Variants in ABCC11 observed in about 807,000 individuals in gnomAD.
ABCC11 encodes the protein ATP-binding cassette sub-family C member 11.
Under a neutral mutation model 149.3 loss-of-function variants are expected in ABCC11, and 135 were observed. That is an observed-to-expected ratio of 0.90 (90% confidence interval 0.79 to 1.04). ABCC11 has a LOEUF of 1.04. Ranked by LOEUF, ABCC11 falls within the 50% of genes least tolerant of loss-of-function variation. The pLI is 0.00. For synonymous variants in ABCC11, 665 were observed against 671.4 expected, an observed-to-expected ratio of 0.99 and a Z score of 0.15; for missense variants, 1,680 against 1,722.1, an observed-to-expected ratio of 0.98 and a Z score of 0.43.
Position 48,222,816 on chromosome 16 carries a change from T to C in ABCC11, c.559A>G (p.Lys187Glu), listed in dbSNP as rs1297695666. 2 of 1,613,308 alleles carry C rather than the reference T, an allele frequency of 1.2e-6. No homozygotes were observed. Among genetic ancestry groups the C allele is most frequent in the East Asian group, 4.5e-5 (2 of 44,872 alleles). ...TGCTCTTCTGAATATTCCAGGATCT[T>C]TGGTATAATCAATATCTACAAGGAA... Reference protein sequence around the residue: ...SVLGPILIIPKILEYSEEQLG... With the variant: ...SVLGPILIIPEILEYSEEQLG... The change falls in exon 6 of 30, where the codon AAG (lysine) becomes GAG (glutamate). Residue 187 changes from lysine (K) to glutamate (E), a missense_variant. Coordinates refer to ENST00000356608, the MANE Select transcript of ABCC11 (RefSeq NM_001370497.1).
At chr16:48,227,673 G>A (rs755328339) in intron 4 of ABCC11, 133 bp downstream of exon 4, 2 of 1,141,968 alleles carry the variant, frequency 1.8e-6, no homozygotes, top group Middle Eastern at 2.7e-4. Flanking sequence ...CACCTAGTAT[G>A]AGGCCTCTTC....
intron 22 of ABCC11, among the ~76,000 whole-genome samples, chr16:48,186,591 C>T (rs112563222): frequency 6.6e-6 from 1 of 151,996 alleles, no homozygotes; most frequent in African/African-American, 2.4e-5. Flanking sequence ...AGCTATTGTT[C>T]CTCATTATTT....
chr16:48,216,018 A>T, intron 7 of ABCC11, 96 bp downstream of exon 7: 3 of 1,333,530 alleles, frequency 2.2e-6, no homozygotes, highest in Non-Finnish European at 3.1e-6. Context: ...TGAAAGGTCA[A>T]CAAGAATCAA....
chr16:48,238,630 T>C (rs1282672842), intron 1 of ABCC11, among the ~76,000 whole-genome samples: 1 of 152,064 alleles, frequency 6.6e-6, no homozygotes, highest in Non-Finnish European at 1.5e-5. Context: ...AAGATAATAT[T>C]ATCGGATTAG....
chr16:48,211,274 C>G (rs1968906371), intron 10 of ABCC11, 75 bp from the exon 11 acceptor site: 1 of 1,523,466 alleles, frequency 6.6e-7, no homozygotes, highest in South Asian at 1.2e-5. Context: ...CCCAGTTTTA[C>G]AAGTCTGCCA....
At chr16:48,167,902 G>A (rs993925304) in intron 28 of ABCC11, among the ~76,000 whole-genome samples, 8 of 152,154 alleles carry the variant, frequency 5.3e-5, no homozygotes, top group Non-Finnish European at 1.0e-4. Flanking sequence ...AGAGAATTAA[G>A]TTCTTGGAAA....
intron 1 of ABCC11, chr16:48,244,267 G>A (rs1971197467): frequency 2.9e-6 from 2 of 690,864 alleles, no homozygotes. Flanking sequence ...GGGACGGACC[G>A]TAGCGCGTAG....
At chr16:48,218,488 A>T (rs986226389) in intron 6 of ABCC11, among the ~76,000 whole-genome samples, 3 of 152,246 alleles carry the variant, frequency 2.0e-5, no homozygotes, top group African/African-American at 7.2e-5. Flanking sequence ...TATTGATTTG[A>T]GAACGGTGCT....
intron 28 of ABCC11, 70 bp downstream of exon 28, chr16:48,170,035 A>G: frequency 8.0e-7 from 1 of 1,256,426 alleles, no homozygotes; most frequent in Middle Eastern, 2.1e-4. Flanking sequence ...AGGGAGAGGG[A>G]GCCGGTGTGG....
chr16:48,232,008 A>G, intron 1 of ABCC11, 69 bp from the exon 2 acceptor site: 1 of 1,595,802 alleles, frequency 6.3e-7, no homozygotes, highest in Non-Finnish European at 8.5e-7. Flanking sequence ...TCTCGCCTTG[A>G]GCAGCCAGAA....
chr16:48,183,124 T>G (rs977879465), intron 23 of ABCC11, among the ~76,000 whole-genome samples: 2 of 152,246 alleles, frequency 1.3e-5, no homozygotes, highest in Admixed American at 1.3e-4. Context: ...AAGACAGGTG[T>G]GTGCACAGGC....
Position 48,222,705 on chromosome 16 carries a change from A to T in ABCC11, c.670T>A (p.Trp224Arg), listed in dbSNP as rs771504332. The T allele has an allele frequency of 6.2e-7, 1 of 1,614,256 alleles. No individual in the cohort carries two copies. The highest frequency in any genetic ancestry group is 8.5e-7 in the Non-Finnish European group (1 of 1,180,040). ...CVKSLSFSSS[W>R]IINQRTAIRF... ...ATGGCTGTGCGTTGGTTGATGATCCAACTGGAGGAGAAACTCAGAGACTTC... is the reference window on the plus strand; with the variant it reads ...ATGGCTGTGCGTTGGTTGATGATCCTACTGGAGGAGAAACTCAGAGACTTC... The change falls in exon 6 of 30, where the codon TGG becomes AGG. Residue 224 changes from tryptophan (W) to arginine (R), a missense_variant. By Grantham distance (101) the Trp-to-Arg change is moderately radical. Coordinates refer to ENST00000356608, the MANE Select transcript of ABCC11 (RefSeq NM_001370497.1).
intron 6 of ABCC11, among the ~76,000 whole-genome samples, chr16:48,222,216 C>A (rs1969790635): frequency 6.6e-6 from 1 of 151,890 alleles, no homozygotes; most frequent in Non-Finnish European, 1.5e-5. Flanking sequence ...ACATGAGCCA[C>A]CACAGATGGC....
At chr16:48,226,360 T>C (rs993207348) in intron 4 of ABCC11, among the ~76,000 whole-genome samples, 3 of 151,232 alleles carry the variant, frequency 2.0e-5, no homozygotes, top group African/African-American at 7.3e-5. Flanking sequence ...CTATAAGCTC[T>C]GCCTCCTGGG....
intron 18 of ABCC11, among the ~76,000 whole-genome samples, chr16:48,195,980 T>C (rs1486402773): frequency 6.6e-6 from 1 of 152,202 alleles, no homozygotes; most frequent in Non-Finnish European, 1.5e-5. Context: ...TTCTATTTTT[T>C]TTAATTTTTT....
In ABCC11 at chr16:48,230,523, A is replaced by G; in HGVS notation, c.150T>C (p.Pro50=). The G allele has an allele frequency of 1.2e-6, 2 of 1,612,488 alleles. No homozygotes were observed. Among genetic ancestry groups the G allele is most frequent in the Non-Finnish European group, 1.7e-6 (2 of 1,179,204 alleles). ...DGPWSQQERN[P]EAPGRAAVPP... is the part of the protein sequence containing the mutation. Reference sequence around the variant, plus strand: ...GGACAGCTGCCCTCCCTGGAGCCTCAGGATTTCTCTCTTGCTGACTCCAGG... The same window carrying G: ...GGACAGCTGCCCTCCCTGGAGCCTCGGGATTTCTCTCTTGCTGACTCCAGG... Residue 50 remains proline (P), a synonymous_variant, in exon 3 of 30, where the codon CCT becomes CCC. Transcript: ENST00000356608.
chr16:48,243,846 G>A lies in ABCC11; in HGVS notation c.-19+3468C>T, dbSNP rs542029613. Among the ~76,000 whole-genome samples, 3 of 152,076 alleles carry A rather than the reference G, an allele frequency of 2.0e-5. No homozygotes were observed. The East Asian group carries it at 5.8e-4, about 29-fold the overall frequency. On this transcript the variant is annotated intron_variant, in intron 1 of 29. Coordinates refer to ENST00000356608, the MANE Select transcript of ABCC11 (RefSeq NM_001370497.1). The stretch of plus-strand genomic sequence containing the variant: ...CTCCCTACTAAAAATACAACAATTA[G>A]CTGGGTGTGGTGGCGGGCATCTGTA...
At chr16:48,236,038 GC>G (rs1258846144) in intron 1 of ABCC11, among the ~76,000 whole-genome samples, 2 of 152,220 alleles carry the variant, frequency 1.3e-5, no homozygotes, top group African/African-American at 4.8e-5. Flanking sequence ...GGAGCCAGAA[GC>G]ACCTGCCAGC....
Position 48,167,003 on chromosome 16 carries a change from TA to T in ABCC11, c.*270del. 1 of 438,638 alleles carries T rather than the reference TA, an allele frequency of 2.3e-6. No individual in the cohort carries two copies. The highest frequency in any genetic ancestry group is 4.1e-6 in the Non-Finnish European group (1 of 243,188). The allele number at this position is 438,638 out of a possible 1,614,324, so 27.2% of individuals were successfully genotyped here. ...AAAACTATAAGCTTTTACCTTATTATAAAATTATTCAGCATGTAAGTTAAAA... is the reference window on the plus strand; with the variant it reads ...AAAACTATAAGCTTTTACCTTATTATAAATTATTCAGCATGTAAGTTAAAA... On this transcript the variant is annotated 3_prime_UTR_variant, in exon 30 of 30. Coordinates refer to ENST00000356608, the MANE Select transcript of ABCC11 (RefSeq NM_001370497.1).
Sources: allele counts gnomAD v4.1 joint callset (sites outside exome capture counted in the v4.1 genomes callset), GRCh38; gene constraint gnomAD v4.1.1; transcripts MANE v1.5; gene names NCBI Gene and HGNC (gene_info 2026-07-23, HGNC 2026-07-21).